S1PR1: variants seen among roughly 807,000 people sequenced by gnomAD.
S1PR1 encodes sphingosine-1-phosphate receptor 1.
Under a neutral mutation model 18.3 loss-of-function variants are expected in S1PR1, and 2 were observed. That is an observed-to-expected ratio of 0.11 (90% confidence interval 0.04 to 0.34). The LOEUF (loss-of-function observed/expected upper bound fraction) is 0.34. Ranked by LOEUF, S1PR1 falls within the 10% of genes least tolerant of loss-of-function variation. The pLI, the probability that S1PR1 is intolerant of heterozygous loss-of-function variation, is 1.00. For synonymous variants in S1PR1, 222 were observed against 211.2 expected (o/e 1.05, Z -0.44); for missense variants, 335 against 493.8 (o/e 0.68, Z 3.05).
rs186285013 is a variant in S1PR1 at position 101,240,527 on chromosome 1, C to G, written c.*394C>G. 93 of 251,854 alleles carry G rather than the reference C, an allele frequency of 3.7e-4. No homozygotes were observed. The highest frequency in any genetic ancestry group is 5.6e-4 in the Non-Finnish European group (68 of 120,480). 15.6% of individuals were successfully genotyped at this position (251,854 alleles called of 1,614,324 possible). ...GAGATGTTTTCCTTCACTTTAGTTT[C>G]AAACCCAAGTGAGTGTGTGCACTTC... On this transcript the variant is annotated 3_prime_UTR_variant, in exon 2 of 2. Coordinates refer to ENST00000305352, the MANE Select transcript of S1PR1 (RefSeq NM_001400.5).
chr1:101,242,308 C>T (rs185538462), downstream of S1PR1, among the ~76,000 whole-genome samples: 5 of 152,252 alleles, frequency 3.3e-5, no homozygotes, highest in East Asian at 9.6e-4. Context: ...ATGTTGGGCT[C>T]TCTAATCTTT....
In S1PR1 at chr1:101,238,861, A is replaced by T; in HGVS notation, c.-124A>T. 2.2e-6 allele frequency: 2 copies of T among 919,408 alleles called. No individual in the cohort carries two copies. Among genetic ancestry groups the T allele is most frequent in the Non-Finnish European group, 3.2e-6 (2 of 625,940 alleles). 57.0% of individuals were successfully genotyped at this position (919,408 alleles called of 1,614,324 possible). Reference sequence around the variant, plus strand: ...GGCCCTCTCCAGCCAAGGAAAAGCTACACAAAAAGCCTGGATCACTCATCG... The same window carrying T: ...GGCCCTCTCCAGCCAAGGAAAAGCTTCACAAAAAGCCTGGATCACTCATCG... On this transcript the variant is annotated 5_prime_UTR_variant, in exon 2 of 2. Coordinates refer to ENST00000305352, the MANE Select transcript of S1PR1 (RefSeq NM_001400.5).
downstream of S1PR1, chr1:101,241,572 T>C (rs145985198): frequency 6.0e-6 from 1 of 165,354 alleles, no homozygotes; most frequent in African/African-American, 2.4e-5. Context: ...TACTGGATTG[T>C]GTAGCTCTTT....
rs201912499 is a variant in S1PR1, at chr1:101,240,828, A to C, written c.*695A>C. The C allele has an allele frequency of 6.0e-6, 1 of 167,200 alleles. No homozygotes were observed. The highest frequency in any genetic ancestry group is 2.4e-5 in the African/African-American group (1 of 41,434). 10.4% of individuals were successfully genotyped at this position (167,200 alleles called of 1,614,324 possible). ...TTGGAATTTGGTTGAAGTCACTTTG[A>C]TTTCTTTAAAAAACATCTTTTCAAT... On this transcript the variant is annotated 3_prime_UTR_variant, in exon 2 of 2. Transcript: ENST00000305352.
Position 101,240,147 on chromosome 1 carries a change from C to T in S1PR1, c.*14C>T. 2.5e-6 allele frequency: 4 copies of T among 1,612,832 alleles called. No individual in the cohort carries two copies. The South Asian group carries it at 4.4e-5, about 18-fold the overall frequency. Reference sequence around the variant, plus strand: ...TCTTCTTCCTAGAACTGGAAGCTGTCCACCCACCGGAAGCGCTCTTTACTT... The same window carrying T: ...TCTTCTTCCTAGAACTGGAAGCTGTTCACCCACCGGAAGCGCTCTTTACTT... On this transcript the variant is annotated 3_prime_UTR_variant, in exon 2 of 2. Transcript: ENST00000305352.
chr1:101,240,115 C>T lies in S1PR1; in HGVS notation c.1131C>T (p.Asn377=). ...CAGAGACCATTATGTCTTCTGGAAACGTCAACTCTTCTTCCTAGAACTGGA... is the reference window on the plus strand; with the variant it reads ...CAGAGACCATTATGTCTTCTGGAAATGTCAACTCTTCTTCCTAGAACTGGA... ...DNPETIMSSG[N]VNSSS is the part of the protein sequence containing the mutation. Residue 377 remains asparagine (N), a synonymous_variant, in exon 2 of 2, where the codon AAC becomes AAT. Transcript: ENST00000305352. The T allele has an allele frequency of 6.2e-7, 1 of 1,613,062 alleles. No individual in the cohort carries two copies. The highest frequency in any genetic ancestry group is 8.5e-7 in the Non-Finnish European group (1 of 1,180,026).
chr1:101,240,495 CT>C lies in S1PR1; in HGVS notation c.*365del. The C allele has an allele frequency of 3.6e-6, 1 of 277,426 alleles. No homozygotes were observed. Among genetic ancestry groups the C allele is most frequent in the South Asian group, 6.2e-5 (1 of 16,132 alleles). 17.2% of individuals were successfully genotyped at this position (277,426 alleles called of 1,614,324 possible). On this transcript the variant is annotated 3_prime_UTR_variant, in exon 2 of 2. Coordinates refer to ENST00000305352, the MANE Select transcript of S1PR1 (RefSeq NM_001400.5). Reference sequence around the variant, plus strand: ...TGTGAAAGCGTCTCTTTGTCTGGAGCTTTGAGGAGATGTTTTCCTTCACTTT... The same window carrying C: ...TGTGAAAGCGTCTCTTTGTCTGGAGCTTGAGGAGATGTTTTCCTTCACTTT...
rs1652881913 is a variant in S1PR1, at chr1:101,241,271, A to G, written c.*1138A>G. On this transcript the variant is annotated 3_prime_UTR_variant, in exon 2 of 2. Transcript: ENST00000305352. ...CTTGTGCCCTTAAAAGCATTACTTT[A>G]ACTGGTAGGGAACGCCAGAAACTTT... The G allele has an allele frequency of 6.0e-6, 1 of 167,248 alleles. No individual in the cohort carries two copies. Among genetic ancestry groups the G allele is most frequent in the Non-Finnish European group, 1.5e-5 (1 of 68,126 alleles). The allele number at this position is 167,248 out of a possible 1,614,324, so 10.4% of individuals were successfully genotyped here. A position where few individuals can be genotyped will look rare whatever the true frequency, so the allele number is the denominator to read the frequency against.
chr1:101,238,114 T>C (rs1652767147), intron 1 of S1PR1: 1 of 152,164 alleles, frequency 6.6e-6, no homozygotes. Context: ...CGGGCCTGGC[T>C]GCCCACACCT....
intron 1 of S1PR1, among the ~76,000 whole-genome samples, chr1:101,237,906 C>A (rs937238389): frequency 2.7e-5 from 4 of 149,562 alleles, no homozygotes; most frequent in African/African-American, 4.9e-5. Flanking sequence ...ATGCAATCAA[C>A]TAATGTACGA....
downstream of S1PR1, among the ~76,000 whole-genome samples, chr1:101,242,035 T>C (rs1652929280): frequency 6.6e-6 from 1 of 151,252 alleles, no homozygotes; most frequent in Non-Finnish European, 1.5e-5. Context: ...CAGGACACTG[T>C]CTTGGCTTCT....
Position 101,238,852 on chromosome 1 carries a change from G to A in S1PR1, c.-133G>A, listed in dbSNP as rs1386132710. On this transcript the variant is annotated 5_prime_UTR_variant, in exon 2 of 2. Coordinates refer to ENST00000305352, the MANE Select transcript of S1PR1 (RefSeq NM_001400.5). ...GGTTTCCGAGGCCCTCTCCAGCCAA[G>A]GAAAAGCTACACAAAAAGCCTGGAT... 1 of 872,458 alleles carries A rather than the reference G, an allele frequency of 1.1e-6. No homozygotes were observed. Among genetic ancestry groups the A allele is most frequent in the Non-Finnish European group, 1.7e-6 (1 of 583,936 alleles). 54.0% of individuals were successfully genotyped at this position (872,458 alleles called of 1,614,324 possible). A position where few individuals can be genotyped will look rare whatever the true frequency, so the allele number is the denominator to read the frequency against.
chr1:101,242,113 G>C (rs1652931472), downstream of S1PR1, among the ~76,000 whole-genome samples: 1 of 151,966 alleles, frequency 6.6e-6, no homozygotes, highest in Admixed American at 6.6e-5. Context: ...TAAAATGTGG[G>C]CTGAGTAGCA....
chr1:101,238,726 T>C, intron 1 of S1PR1, 96 bp from the exon 2 acceptor site: 1 of 454,900 alleles, frequency 2.2e-6, no homozygotes. Flanking sequence ...TTAAAACAAA[T>C]CAACAACAAC....
chr1:101,239,774 G>T lies in S1PR1; in HGVS notation c.790G>T (p.Val264Phe). The T allele has an allele frequency of 4.3e-6, 7 of 1,613,692 alleles. No homozygotes were observed. Among genetic ancestry groups the T allele is most frequent in the Non-Finnish European group, 5.9e-6 (7 of 1,180,006 alleles). ...CAAGACCGTAATTATCGTCCTGAGC[G>T]TCTTCATCGCCTGCTGGGCACCGCT... ...LLKTVIIVLS[V>F]FIACWAPLFI... The change falls in exon 2 of 2, where the codon GTC (valine) becomes TTC (phenylalanine). Residue 264 changes from valine (V) to phenylalanine (F), a missense_variant. Around this residue, in one of 3 missense-constraint regions of S1PR1, gnomAD observed 214 missense variants for 366.6 expected, o/e 0.58. Transcript: ENST00000305352. This position sits in a 1 kb window ranked among gnomAD's most constrained non-coding sequence, Gnocchi z 6.3.
In S1PR1 at chr1:101,241,245, T is replaced by G. The variant is rs929624574; in HGVS notation, c.*1112T>G. ...TGTATTTCTTAAGAAAATACCACCC[T>G]CTTGTGCCCTTAAAAGCATTACTTT... On this transcript the variant is annotated 3_prime_UTR_variant, in exon 2 of 2. Coordinates refer to ENST00000305352, the MANE Select transcript of S1PR1 (RefSeq NM_001400.5). The G allele has an allele frequency of 6.0e-6, 1 of 167,238 alleles. No individual in the cohort carries two copies. The highest frequency in any genetic ancestry group is 2.4e-5 in the African/African-American group (1 of 41,454). The allele number at this position is 167,238 out of a possible 1,614,324, so 10.4% of individuals were successfully genotyped here. A position where few individuals can be genotyped will look rare whatever the true frequency, so the allele number is the denominator to read the frequency against.
intron 1 of S1PR1, among the ~76,000 whole-genome samples, chr1:101,238,427 T>A (rs1012696148): frequency 1.4e-5 from 2 of 140,038 alleles, no homozygotes; most frequent in African/African-American, 5.3e-5. Flanking sequence ...AATCCGGGGG[T>A]GAGGGGGTGT....
chr1:101,240,129 C>G lies in S1PR1; in HGVS notation c.1145C>G (p.Ser382Cys). The G allele has an allele frequency of 6.2e-7, 1 of 1,613,080 alleles. No homozygotes were observed. Among genetic ancestry groups the G allele is most frequent in the Non-Finnish European group, 8.5e-7 (1 of 1,180,036 alleles). ...IMSSGNVNSS[S>C] ...TCTTCTGGAAACGTCAACTCTTCTT[C>G]CTAGAACTGGAAGCTGTCCACCCAC... is the stretch of plus-strand genomic sequence containing the variant. The change falls in exon 2 of 2, where the codon TCC (serine) becomes TGC (cysteine). Residue 382 changes from serine to cysteine, a missense_variant. Coordinates refer to ENST00000305352, the MANE Select transcript of S1PR1 (RefSeq NM_001400.5).
At chr1:101,241,704 T>C (rs577550257), downstream of S1PR1, among the ~76,000 whole-genome samples, 2 of 152,324 alleles carry the variant, frequency 1.3e-5, no homozygotes, top group African/African-American at 4.8e-5. Flanking sequence ...GAAACTTCAA[T>C]AAGTTAACAC....
Sources: allele counts gnomAD v4.1 joint callset (sites outside exome capture counted in the v4.1 genomes callset), GRCh38; gene constraint gnomAD v4.1.1; regional missense constraint gnomAD v4.1.1; non-coding constraint Gnocchi (gnomAD v3.1); transcripts MANE v1.5; gene names NCBI Gene and HGNC (gene_info 2026-07-23, HGNC 2026-07-21).